Variants in C17orf99 observed in about 807,000 individuals in gnomAD.
C17orf99 encodes the protein chromosome 17 open reading frame 99, also known as protein IL-40.
C17orf99 carries 18 observed loss-of-function variants against 22.6 expected under a neutral mutation model. The observed-to-expected ratio is 0.80, with a 90% confidence interval of 0.55 to 1.18. The LOEUF is 1.18. Ranked by LOEUF, C17orf99 falls within the 50% of genes most tolerant of loss-of-function variation. The pLI, the probability that C17orf99 is intolerant of heterozygous loss-of-function variation, is 0.00. For missense variants in C17orf99, 328 were observed against 342.7 expected (o/e 0.96, Z 0.34); for synonymous variants, 147 against 136.6 (o/e 1.08, Z -0.53).
In C17orf99 at chr17:78,161,249, G is replaced by T. The variant is rs373810586; in HGVS notation, c.365G>T (p.Trp122Leu). ...AGGCTACAGATGCACTGGGAGCTGT[G>T]GTCCAGTGAGTGCGGTGGGGGGCAC... ...SARLQMHWEL[W>L]SKPVSELRAN... Residue 122 changes from tryptophan to leucine, a missense_variant, in exon 3 of 5, where the codon TGG (tryptophan) becomes TTG (leucine). Physicochemically the swap from Trp to Leu is moderately conservative, Grantham distance 61 (BLOSUM62 -2). Transcript: ENST00000340363. The T allele has an allele frequency of 2.6e-5, 41 of 1,551,358 alleles. No homozygotes were observed. The highest frequency in any genetic ancestry group is 3.6e-5 in the Non-Finnish European group (41 of 1,146,654).
chr17:78,154,959 C>G (rs1004639273), intron 2 of C17orf99, among the ~76,000 whole-genome samples: 1 of 151,976 alleles, frequency 6.6e-6, no homozygotes, highest in South Asian at 2.1e-4. Context: ...GGGAAGACAT[C>G]CTGATTCTAG....
rs144603878 is a variant in C17orf99, at chr17:78,146,903, G to A, written c.62G>A (p.Arg21Gln). The stretch of plus-strand genomic sequence containing the variant: ...GCTGCCAGCAGCTTCTCCAAGGCAC[G>A]GGAGGAAGGTAAGTGGCATAGCCTG... ...VLAASSFSKA[R>Q]EEEITPVVSI... is the part of the protein sequence containing the mutation. The change falls in exon 2 of 5, where the codon CGG becomes CAG. Residue 21 changes from arginine to glutamine, a missense_variant. By Grantham distance (43) the Arg-to-Gln change is conservative. Coordinates refer to ENST00000340363, the MANE Select transcript of C17orf99 (RefSeq NM_001163075.2). This position sits in a 1 kb window ranked among gnomAD's most constrained non-coding sequence, Gnocchi z 5.2. 3.1e-5 allele frequency: 48 copies of A among 1,551,458 alleles called. No homozygotes were observed. The highest frequency in any genetic ancestry group is 4.9e-5 in the East Asian group (2 of 40,912).
chr17:78,151,423 CAAAA>C (rs35828431), intron 2 of C17orf99, among the ~76,000 whole-genome samples: 2 of 56,180 alleles, frequency 3.6e-5, no homozygotes, highest in Admixed American at 2.0e-4. Flanking sequence ...GACTCTGTCT[CAAAA>C]AAAAAAAAAA....
chr17:78,149,732 C>A (rs1291965380), intron 2 of C17orf99, among the ~76,000 whole-genome samples: 1 of 149,642 alleles, frequency 6.7e-6, no homozygotes, highest in South Asian at 2.1e-4. Context: ...TTTTTTGAGA[C>A]GGGGTCTCGC....
chr17:78,153,440 G>A (rs773858680), intron 2 of C17orf99, among the ~76,000 whole-genome samples: 12 of 151,956 alleles, frequency 7.9e-5, no homozygotes, highest in African/African-American at 2.7e-4. Context: ...AACCAAGATC[G>A]TGTCACTGCA....
Position 78,165,377 on chromosome 17 carries a change from C to T in C17orf99, c.641-512C>T, listed in dbSNP as rs1023770725. The T allele has an allele frequency of 1.7e-5, 17 of 985,530 alleles. No homozygotes were observed. The African/African-American group carries it at 1.9e-4, about 11-fold the overall frequency. 61.0% of individuals were successfully genotyped at this position (985,530 alleles called of 1,614,324 possible). ...GTCTGTTCTTTCCAGAAGCCAGACT[C>T]GTGGGTGAGCCATGTCACCTCGCCG... On this transcript the variant is annotated intron_variant, in intron 4 of 4. Transcript: ENST00000340363.
At chr17:78,145,576 A>G (rs1228624819), upstream of C17orf99, among the ~76,000 whole-genome samples, 1 of 152,156 alleles carries the variant, frequency 6.6e-6, no homozygotes, top group African/African-American at 2.4e-5. Context: ...GGCTGGGTGC[A>G]GCCTTGGCCT....
At chr17:78,157,078 C>T (rs542917870) in intron 2 of C17orf99, among the ~76,000 whole-genome samples, 6 of 152,074 alleles carry the variant, frequency 3.9e-5, no homozygotes, top group African/African-American at 7.2e-5. Flanking sequence ...GCTTGTAATG[C>T]CAGTACTTTG....
intron 2 of C17orf99, chr17:78,158,180 G>A: frequency 1.4e-6 from 1 of 734,904 alleles, no homozygotes; most frequent in Non-Finnish European, 2.4e-6. Context: ...CGAGGAGGCA[G>A]CTGCTGCAAT....
At chr17:78,156,585 G>A (rs2075527087) in intron 2 of C17orf99, among the ~76,000 whole-genome samples, 2 of 152,028 alleles carry the variant, frequency 1.3e-5, no homozygotes, top group South Asian at 4.1e-4. Context: ...TCCTGCAGGA[G>A]CCTCGCATTC....
chr17:78,161,621 A>G (rs2075577320), intron 3 of C17orf99, among the ~76,000 whole-genome samples: 1 of 152,092 alleles, frequency 6.6e-6, no homozygotes, highest in Non-Finnish European at 1.5e-5. Flanking sequence ...AGACAGGCTG[A>G]TCGCTTGAGC....
intron 4 of C17orf99, chr17:78,165,405 C>T: frequency 4.1e-6 from 4 of 985,550 alleles, no homozygotes; most frequent in Non-Finnish European, 4.8e-6. Flanking sequence ...CCTCGCCGAG[C>T]CTCAGTTTTT....
At chr17:78,164,592 G>T in intron 4 of C17orf99, 1 of 1,525,858 alleles carries the variant, frequency 6.6e-7, no homozygotes, top group Non-Finnish European at 8.8e-7. Flanking sequence ...ACCCACCATC[G>T]TGCTGGTTGG....
chr17:78,148,767 TG>T (rs1215613098), intron 2 of C17orf99, among the ~76,000 whole-genome samples: 1 of 151,890 alleles, frequency 6.6e-6, no homozygotes, highest in Non-Finnish European at 1.5e-5. Context: ...AGGCATGGTG[TG>T]GGGTTGGCCG....
intron 2 of C17orf99, among the ~76,000 whole-genome samples, chr17:78,149,728 G>T (rs80194282): frequency 1.4e-3 from 160 of 110,650 alleles, no homozygotes; most frequent in East Asian, 4.0e-3. Flanking sequence ...TTTTTTTTTT[G>T]AGACGGGGTC....
At position 78,162,750 on chromosome 17, in the gene C17orf99, G is replaced by T. The variant is rs550014509; in HGVS notation, c.371-1345G>T. ...CTTTGAAGCCAAGAGTTTGAGACCA[G>T]CCTGGACCACAGAGTGATACTCTGT... On this transcript the variant is annotated intron_variant, in intron 3 of 4. Transcript: ENST00000340363. Among the ~76,000 whole-genome samples, 4 of 152,220 alleles carry T rather than the reference G, an allele frequency of 2.6e-5. No individual in the cohort carries two copies. The East Asian group carries it at 7.7e-4, about 29-fold the overall frequency.
chr17:78,152,204 G>A (rs186168052), intron 2 of C17orf99, among the ~76,000 whole-genome samples: 2 of 151,950 alleles, frequency 1.3e-5, no homozygotes, highest in Non-Finnish European at 2.9e-5. Flanking sequence ...TTTGAGACAG[G>A]GTCTCGCTCT....
chr17:78,148,177 G>T (rs1370610347), intron 2 of C17orf99, among the ~76,000 whole-genome samples: 1 of 149,170 alleles, frequency 6.7e-6, no homozygotes, highest in Non-Finnish European at 1.5e-5. Flanking sequence ...GAGCCCAGGA[G>T]TTCAAGACCA....
At chr17:78,161,331 G>A in intron 3 of C17orf99, 77 bp downstream of exon 3, 2 of 1,306,464 alleles carry the variant, frequency 1.5e-6, no homozygotes, top group South Asian at 1.4e-5. Context: ...AGTGGGGATT[G>A]TGAACCTTGC....
Sources: allele counts gnomAD v4.1 joint callset (sites outside exome capture counted in the v4.1 genomes callset), GRCh38; gene constraint gnomAD v4.1.1; non-coding constraint Gnocchi (gnomAD v3.1); transcripts MANE v1.5; gene names NCBI Gene and HGNC (gene_info 2026-07-23, HGNC 2026-07-21).